The following CPNE4 variants were observed in gnomAD, a reference collection of about 807,000 sequenced individuals.
CPNE4 encodes copine 4.
In CPNE4, 25 loss-of-function variants were observed where a neutral mutation model predicts 67.9. The ratio of observed to expected loss-of-function variants is 0.37; its 90% CI spans 0.27 to 0.51. CPNE4 has a LOEUF of 0.51. Ranked by LOEUF, CPNE4 falls within the 20% of genes least tolerant of loss-of-function variation. The probability of loss-of-function intolerance (pLI) is 0.93; values close to 1 mark genes in which losing one functional copy is unlikely to be tolerated. For missense variants in CPNE4, 464 were observed against 690.8 expected (o/e 0.67, Z 3.68); for synonymous variants, 242 against 244.9 (o/e 0.99, Z 0.11).
At chr3:131,946,007 G>A (rs2071542386) in intron 1 of CPNE4, among the ~76,000 whole-genome samples, 1 of 152,126 alleles carries the variant, frequency 6.6e-6, no homozygotes. Flanking sequence ...TAATTTTTTA[G>A]AAATAACTTA....
rs72992858 is a variant in CPNE4, at chr3:131,950,699, C to A, written c.-1-45255G>T. On this transcript the variant is annotated intron_variant, in intron 1 of 15. Coordinates refer to ENST00000429747, the MANE Select transcript of CPNE4 (RefSeq NM_130808.3). ...ACCGACTATACTTACAAGTAGTATT[C>A]CTGGATATTAAAATATAGCCATCAT... is the stretch of plus-strand genomic sequence containing the variant. Among the ~76,000 whole-genome samples, 917 of 152,244 alleles carry A rather than the reference C, an allele frequency of 6.0e-3. 8 individuals are homozygous for A. Among genetic ancestry groups the A allele is most frequent in the African/African-American group, 0.021 (872 of 41,534 alleles).
intron 5 of CPNE4, among the ~76,000 whole-genome samples, chr3:131,686,344 T>C (rs1334270052): frequency 6.6e-6 from 1 of 152,268 alleles, no homozygotes; most frequent in African/African-American, 2.4e-5. Context: ...ATTATAGTTA[T>C]TTTAATGCCT....
At chr3:131,963,965 T>C (rs1248996715) in intron 1 of CPNE4, among the ~76,000 whole-genome samples, 2 of 152,120 alleles carry the variant, frequency 1.3e-5, no homozygotes, top group Admixed American at 6.5e-5. Context: ...AGGCACCTCA[T>C]ACAGAAGAGC....
At chr3:131,910,422 G>A (rs1246607434) in intron 1 of CPNE4, among the ~76,000 whole-genome samples, 1 of 152,084 alleles carries the variant, frequency 6.6e-6, no homozygotes, top group Non-Finnish European at 1.5e-5. Context: ...CTTAAGGTGG[G>A]CATCCTAGAA....
chr3:132,018,954 G>T (rs1398863501), intron 1 of CPNE4, among the ~76,000 whole-genome samples: 1 of 152,160 alleles, frequency 6.6e-6, no homozygotes, highest in African/African-American at 2.4e-5. Context: ...ATGCACTTGA[G>T]CAACCACCAA....
intron 3 of CPNE4, among the ~76,000 whole-genome samples, chr3:131,719,243 C>T (rs903460953): frequency 9.2e-5 from 14 of 152,196 alleles, no homozygotes. Context: ...ATGACAGAAG[C>T]AAGCTCTGGA....
At chr3:131,799,252 G>T (rs781041056) in intron 2 of CPNE4, among the ~76,000 whole-genome samples, 14 of 152,086 alleles carry the variant, frequency 9.2e-5, no homozygotes, top group Non-Finnish European at 1.5e-4. Flanking sequence ...CTCATTAAAG[G>T]TTAAGCTCTG....
At chr3:131,687,923 G>C (rs1046283869) in intron 5 of CPNE4, among the ~76,000 whole-genome samples, 15 of 152,334 alleles carry the variant, frequency 9.8e-5, no homozygotes, top group Non-Finnish European at 1.6e-4. Context: ...CACAGACATA[G>C]AGGGGGATAC....
At position 131,768,364 on chromosome 3, in the gene CPNE4, A is replaced by G. The variant is rs1305221365; in HGVS notation, c.181-44739T>C. Among the ~76,000 whole-genome samples, 5 of 152,280 alleles carry G rather than the reference A, an allele frequency of 3.3e-5. No homozygotes were observed. In the South Asian group the frequency reaches 1.0e-3, roughly 32 times the overall value. Reference sequence around the variant, plus strand: ...GACTTGAAAAAATATTCTATCGGCAATGTAATATCCTGAGCCCAGAATGAA... The same window carrying G: ...GACTTGAAAAAATATTCTATCGGCAGTGTAATATCCTGAGCCCAGAATGAA... On this transcript the variant is annotated intron_variant, in intron 2 of 15. Transcript: ENST00000429747.
intron 2 of CPNE4, among the ~76,000 whole-genome samples, chr3:131,862,868 C>A (rs896483372): frequency 1.2e-4 from 18 of 151,756 alleles, no homozygotes; most frequent in African/African-American, 4.4e-4. Flanking sequence ...ATCCCCCCAC[C>A]CCACAACAGG....
At chr3:131,953,253 A>AATAAAT (rs1560669356) in intron 1 of CPNE4, among the ~76,000 whole-genome samples, 2 of 143,520 alleles carry the variant, frequency 1.4e-5, no homozygotes, top group Admixed American at 6.8e-5. Context: ...AAAAAAAAAA[A>AATAAAT]AAAAAAAAAA....
At chr3:131,984,183 A>G (rs998904049) in intron 1 of CPNE4, among the ~76,000 whole-genome samples, 4 of 152,158 alleles carry the variant, frequency 2.6e-5, no homozygotes, top group African/African-American at 9.7e-5. Flanking sequence ...GAGGCCACAC[A>G]AATGGTAAGT....
At chr3:131,776,276 G>A (rs188381407) in intron 2 of CPNE4, among the ~76,000 whole-genome samples, 1,497 of 99,568 alleles carry the variant, frequency 0.015, 62 homozygotes, top group East Asian at 0.14. Flanking sequence ...CAGTAAGATT[G>A]TGTCCCTTCT....
chr3:131,736,360 G>A (rs1478486149), intron 2 of CPNE4, among the ~76,000 whole-genome samples: 2 of 151,876 alleles, frequency 1.3e-5, no homozygotes, highest in African/African-American at 4.8e-5. Flanking sequence ...GGTGGCTCAC[G>A]CCTGTAATCC....
intron 1 of CPNE4, among the ~76,000 whole-genome samples, chr3:131,950,940 T>C (rs2071703838): frequency 6.6e-6 from 1 of 152,242 alleles, no homozygotes; most frequent in South Asian, 2.1e-4. Context: ...GAGCATCTCA[T>C]AGAGGTTTTT....
At chr3:131,924,739 A>C (rs1037916723) in intron 1 of CPNE4, among the ~76,000 whole-genome samples, 24 of 152,178 alleles carry the variant, frequency 1.6e-4, no homozygotes, top group African/African-American at 4.8e-4. Flanking sequence ...GGTGACATAA[A>C]CTATACTTTT....
chr3:131,640,218 T>A (rs2079505231), intron 7 of CPNE4, among the ~76,000 whole-genome samples: 1 of 152,158 alleles, frequency 6.6e-6, no homozygotes, highest in Admixed American at 6.5e-5. Flanking sequence ...GAAGTCAAAC[T>A]GTCACTGTTT....
rs376156573 is a variant in CPNE4 at position 131,972,335 on chromosome 3, C to G, written c.-2+62232G>C. Among the ~76,000 whole-genome samples the G allele has an allele frequency of 2.2e-4, 34 of 151,902 alleles. 2 individuals carry two copies. In the South Asian group the frequency reaches 6.7e-3, roughly 30 times the overall value. ...TGCCCGATGAATTCCTCAAGTTCAG[C>G]TAGCCAACTTGGAGCCTCATCATAG... On this transcript the variant is annotated intron_variant, in intron 1 of 15. Coordinates refer to ENST00000429747, the MANE Select transcript of CPNE4 (RefSeq NM_130808.3).
intron 1 of CPNE4, among the ~76,000 whole-genome samples, chr3:131,985,328 A>C (rs757006787): frequency 3.9e-5 from 6 of 152,120 alleles, no homozygotes; most frequent in Non-Finnish European, 8.8e-5. Flanking sequence ...AACCTCTCAA[A>C]CTACTTGCAC....
Sources: gnomAD v4.1 joint callset for allele counts (sites outside exome capture counted in the v4.1 genomes callset) on GRCh38, gnomAD v4.1.1 for gene constraint, MANE v1.5 for transcripts, NCBI Gene and HGNC (gene_info 2026-07-23, HGNC 2026-07-21) for gene names.